TYW1B: variants seen among roughly 807,000 people sequenced by gnomAD.
TYW1B encodes the protein S-adenosyl-L-methionine-dependent tRNA 4-demethylwyosine synthase TYW1B.
TYW1B carries 73 observed loss-of-function variants against 86.9 expected under a neutral mutation model. The ratio of observed to expected loss-of-function variants is 0.84; its 90% CI spans 0.70 to 1.02. TYW1B has a LOEUF of 1.02. TYW1B is among the 50% of genes least tolerant of loss of function. The probability of loss-of-function intolerance (pLI) is 0.00; values close to 1 mark genes in which losing one functional copy is unlikely to be tolerated. For missense variants in TYW1B, 637 were observed against 827.4 expected (o/e 0.77, Z 2.82); for synonymous variants, 248 against 292.8 (o/e 0.85, Z 1.56).
rs1434224504 is a variant in TYW1B, at chr7:72,595,080, A to C, written c.1786-19361T>G. Among the ~76,000 whole-genome samples, 4 of 152,210 alleles carry C rather than the reference A, an allele frequency of 2.6e-5. No individual in the cohort carries two copies. The South Asian group carries it at 6.2e-4, about 24-fold the overall frequency. ...AAAGCTTTTCCTCTAAAATAGAGCA[A>C]GGCAAGGATGACCATCTTCACTACT... On this transcript the variant is annotated intron_variant, in intron 13 of 13. Coordinates refer to ENST00000620995, the MANE Select transcript of TYW1B (RefSeq NM_001145440.3).
chr7:72,672,294 G>C (rs1813625756), intron 11 of TYW1B, among the ~76,000 whole-genome samples: 1 of 151,858 alleles, frequency 6.6e-6, no homozygotes, highest in African/African-American at 2.4e-5. Context: ...TCTCGGGTGT[G>C]TCTTTATCAG....
intron 13 of TYW1B, among the ~76,000 whole-genome samples, chr7:72,615,152 T>C (rs1325414339): frequency 6.6e-6 from 1 of 152,250 alleles, no homozygotes; most frequent in Admixed American, 6.5e-5. Context: ...CAATAAACAC[T>C]TGAAGAACTG....
At chr7:72,639,145 T>C (rs1222937755) in intron 11 of TYW1B, among the ~76,000 whole-genome samples, 4 of 152,162 alleles carry the variant, frequency 2.6e-5, no homozygotes, top group Admixed American at 2.6e-4. Context: ...TTTTGGAAAC[T>C]ATCAGAGAAA....
intron 11 of TYW1B, among the ~76,000 whole-genome samples, chr7:72,677,589 A>T (rs1554447695): frequency 6.6e-6 from 1 of 152,190 alleles, no homozygotes; most frequent in African/African-American, 2.4e-5. Flanking sequence ...GGCTACCTGT[A>T]TCTTTGACAG....
chr7:72,694,313 T>A (rs1436981974), intron 11 of TYW1B, among the ~76,000 whole-genome samples: 2 of 152,148 alleles, frequency 1.3e-5, no homozygotes, highest in East Asian at 3.8e-4. Context: ...TTGGTACCCA[T>A]GGGGAGTCCT....
chr7:72,614,798 T>C (rs1435796160), intron 13 of TYW1B, among the ~76,000 whole-genome samples: 1 of 152,212 alleles, frequency 6.6e-6, no homozygotes, highest in African/African-American at 2.4e-5. Context: ...AACTGAATCA[T>C]GCTATGAGCC....
At chr7:72,750,602 C>G (rs782670766) in intron 7 of TYW1B, among the ~76,000 whole-genome samples, 1 of 152,040 alleles carries the variant, frequency 6.6e-6, no homozygotes, top group Non-Finnish European at 1.5e-5. Flanking sequence ...AGGTTGATGT[C>G]TTTCATCAAA....
At chr7:72,776,501 C>T (rs1184957894) in intron 7 of TYW1B, among the ~76,000 whole-genome samples, 1 of 121,456 alleles carries the variant, frequency 8.2e-6, no homozygotes, top group African/African-American at 3.2e-5. Context: ...GCAGAGGTTA[C>T]AGTGAGCCAA....
At chr7:72,605,436 C>T (rs1234770688) in intron 13 of TYW1B, among the ~76,000 whole-genome samples, 3 of 151,158 alleles carry the variant, frequency 2.0e-5, no homozygotes, top group Admixed American at 2.0e-4. Flanking sequence ...TCACTGCAAT[C>T]TCCGCCTCCC....
chr7:72,798,358 T>C (rs1788346354), intron 6 of TYW1B, among the ~76,000 whole-genome samples: 1 of 151,268 alleles, frequency 6.6e-6, no homozygotes, highest in Non-Finnish European at 1.5e-5. Flanking sequence ...GCCACTGCAC[T>C]CCAGCCTGGG....
chr7:72,614,164 T>C (rs1812008793), intron 13 of TYW1B, among the ~76,000 whole-genome samples: 1 of 152,126 alleles, frequency 6.6e-6, no homozygotes, highest in African/African-American at 2.4e-5. Context: ...CACTTTTTTG[T>C]AAATTTGAAA....
chr7:72,581,747 T>C (rs1487276456), intron 13 of TYW1B, among the ~76,000 whole-genome samples: 1 of 150,950 alleles, frequency 6.6e-6, no homozygotes, highest in Admixed American at 6.6e-5. Context: ...ACTTCTAACA[T>C]GATAGAGGGA....
At chr7:72,690,280 T>C (rs1814114089) in intron 11 of TYW1B, among the ~76,000 whole-genome samples, 2 of 147,762 alleles carry the variant, frequency 1.4e-5, no homozygotes, top group Non-Finnish European at 3.0e-5. Flanking sequence ...AGTGTTTTCT[T>C]GTATAAGATA....
chr7:72,695,850 C>A (rs1410033523), intron 10 of TYW1B, among the ~76,000 whole-genome samples: 1 of 152,152 alleles, frequency 6.6e-6, no homozygotes, highest in Non-Finnish European at 1.5e-5. Context: ...CCCACCTCAG[C>A]CTCCCAAACT....
In TYW1B at chr7:72,741,325, GA is replaced by G. The variant is rs368782675; in HGVS notation, c.1082+3158del. ...CAGAAGATGTGAAAGAATAATAACT[GA>G]AATGAAGACTTCACTAGAGGGTTTC... On this transcript the variant is annotated intron_variant, in intron 8 of 13. Coordinates refer to ENST00000620995, the MANE Select transcript of TYW1B (RefSeq NM_001145440.3). 2.5e-4 allele frequency among the ~76,000 whole-genome samples: 38 copies of G among 152,184 alleles called. 1 individual carries two copies. The South Asian group carries it at 7.3e-3, about 29-fold the overall frequency.
At chr7:72,683,837 A>G (rs1251202435) in intron 11 of TYW1B, among the ~76,000 whole-genome samples, 1 of 152,208 alleles carries the variant, frequency 6.6e-6, no homozygotes, top group East Asian at 1.9e-4. Flanking sequence ...GCTCCAGTGG[A>G]TAAAGTACAC....
chr7:72,669,757 G>A (rs1196432886), intron 11 of TYW1B, among the ~76,000 whole-genome samples: 2 of 151,664 alleles, frequency 1.3e-5, no homozygotes, highest in East Asian at 1.9e-4. Context: ...GTGATAAAGC[G>A]AGGCTCTGTC....
chr7:72,632,356 T>A (rs139381780), intron 11 of TYW1B, among the ~76,000 whole-genome samples: 6,909 of 100,384 alleles, frequency 0.069, 611 homozygotes, highest in African/African-American at 0.18. Flanking sequence ...TTATATATAT[T>A]ATATATATAC....
intron 11 of TYW1B, among the ~76,000 whole-genome samples, chr7:72,678,752 G>A (rs1223494553): frequency 6.6e-6 from 1 of 151,108 alleles, no homozygotes; most frequent in Non-Finnish European, 1.5e-5. Context: ...ATGTTGGTCA[G>A]GATGGTCTCG....
Sources: allele counts gnomAD v4.1 joint callset (sites outside exome capture counted in the v4.1 genomes callset), GRCh38; gene constraint gnomAD v4.1.1; transcripts MANE v1.5; gene names NCBI Gene and HGNC (gene_info 2026-07-23, HGNC 2026-07-21).